Variants in CACNA2D2 observed in about 807,000 individuals in gnomAD.
The protein encoded by CACNA2D2 is voltage-dependent calcium channel subunit alpha-2/delta-2.
Under a neutral mutation model 166.4 loss-of-function variants are expected in CACNA2D2, and 48 were observed. The observed-to-expected ratio is 0.29, with a 90% CI of 0.23 to 0.37. CACNA2D2 has a LOEUF of 0.37. Ranked by LOEUF, CACNA2D2 falls within the 10% of genes least tolerant of loss-of-function variation. The pLI, the probability that CACNA2D2 is intolerant of heterozygous loss-of-function variation, is 1.00. For missense variants in CACNA2D2, 1,122 were observed against 1,433.0 expected (o/e 0.78, Z 3.50); for synonymous variants, 561 against 573.7 (o/e 0.98, Z 0.32).
In CACNA2D2 at chr3:50,364,476, C is replaced by G; in HGVS notation, c.*190G>C. On this transcript the variant is annotated 3_prime_UTR_variant, in exon 38 of 38. Coordinates refer to ENST00000424201, the MANE Select transcript of CACNA2D2 (RefSeq NM_006030.4). ...TCGGAGGTGAGATGTGATTTGGGTGCCAAACACCTGCGGCGTCCCGCTTTG... is the reference window on the plus strand; with the variant it reads ...TCGGAGGTGAGATGTGATTTGGGTGGCAAACACCTGCGGCGTCCCGCTTTG... 1 of 666,242 alleles carries G rather than the reference C, an allele frequency of 1.5e-6. No homozygotes were observed. Among genetic ancestry groups the G allele is most frequent in the Non-Finnish European group, 2.5e-6 (1 of 404,428 alleles). The allele number at this position is 666,242 out of a possible 1,614,324, so 41.3% of individuals were successfully genotyped here.
chr3:50,476,414 G>A lies in CACNA2D2; in HGVS notation c.207-215C>T, dbSNP rs143085632. Reference sequence around the variant, plus strand: ...TGCTCCTCATGCACTGTGGGGTGGCGAGGAGGAGAGAGGATTGCATTGTGG... The same window carrying A: ...TGCTCCTCATGCACTGTGGGGTGGCAAGGAGGAGAGAGGATTGCATTGTGG... On this transcript the variant is annotated intron_variant, in intron 1 of 37. Coordinates refer to ENST00000424201, the MANE Select transcript of CACNA2D2 (RefSeq NM_006030.4). Among the ~76,000 whole-genome samples the A allele has an allele frequency of 5.3e-5, 8 of 152,356 alleles. No homozygotes were observed. The East Asian group carries it at 5.8e-4, about 11-fold the overall frequency.
intron 2 of CACNA2D2, among the ~76,000 whole-genome samples, chr3:50,435,038 G>A (rs1708246021): frequency 6.6e-6 from 1 of 152,218 alleles, no homozygotes; most frequent in Admixed American, 6.5e-5. Context: ...ATGGGCACCA[G>A]GGAGGAAGGG....
At chr3:50,484,858 T>C (rs550692855) in intron 1 of CACNA2D2, among the ~76,000 whole-genome samples, 4 of 152,336 alleles carry the variant, frequency 2.6e-5, no homozygotes, top group Admixed American at 6.5e-5. Context: ...CCTGCTGACG[T>C]CCCAGCCCTC....
intron 2 of CACNA2D2, among the ~76,000 whole-genome samples, chr3:50,458,819 G>A (rs992389909): frequency 2.6e-5 from 4 of 152,218 alleles, no homozygotes; most frequent in African/African-American, 9.7e-5. Context: ...TTAATGCTGG[G>A]GAACCCCAAA....
In CACNA2D2 at chr3:50,366,426, G is replaced by A; in HGVS notation, c.2638-88C>T. ...GCAGTCCAGTGGTTCAGAGTTGGGG[G>A]GCATCACTCCCCCAGTCCTGGGAAG... On this transcript the variant is annotated intron_variant, in intron 30 of 37. Coordinates refer to ENST00000424201, the MANE Select transcript of CACNA2D2 (RefSeq NM_006030.4). The surrounding 1 kb of genome is among the most constrained non-coding windows in gnomAD (Gnocchi z 5.9). The A allele has an allele frequency of 6.7e-7, 1 of 1,486,488 alleles. No homozygotes were observed. Among genetic ancestry groups the A allele is most frequent in the Non-Finnish European group, 9.4e-7 (1 of 1,064,736 alleles). 92.1% of individuals were successfully genotyped at this position (1,486,488 alleles called of 1,614,324 possible). A position where few individuals can be genotyped will look rare whatever the true frequency, so the allele number is the denominator to read the frequency against.
chr3:50,410,488 G>GGGC (rs1226163633), intron 3 of CACNA2D2, among the ~76,000 whole-genome samples: 4 of 152,030 alleles, frequency 2.6e-5, no homozygotes, highest in African/African-American at 7.3e-5. Flanking sequence ...GATGGGGGGG[G>GGGC]GGGTGTTGTC....
chr3:50,381,069 T>A lies in CACNA2D2; in HGVS notation c.710A>T (p.Glu237Val). 1 of 1,613,718 alleles carries A rather than the reference T, an allele frequency of 6.2e-7. No individual in the cohort carries two copies. The highest frequency in any genetic ancestry group is 8.5e-7 in the Non-Finnish European group (1 of 1,179,844). ...WTEALENVFMENRRQDPTLLW... is the reference protein window; with the variant it reads ...WTEALENVFMVNRRQDPTLLW... ...CAGTGTGGGGTCTTGTCTGCGGTTTTCCATGAACACATTCTCCAGGGCCTC... is the reference window on the plus strand; with the variant it reads ...CAGTGTGGGGTCTTGTCTGCGGTTTACCATGAACACATTCTCCAGGGCCTC... The change falls in exon 7 of 38, where the codon GAA (glutamate) becomes GTA (valine). Residue 237 changes from glutamate to valine, a missense_variant. Glu to Val is a moderately radical substitution (Grantham distance 121). Coordinates refer to ENST00000424201, the MANE Select transcript of CACNA2D2 (RefSeq NM_006030.4).
intron 3 of CACNA2D2, among the ~76,000 whole-genome samples, chr3:50,399,742 G>C (rs943815038): frequency 6.6e-6 from 1 of 152,188 alleles, no homozygotes; most frequent in African/African-American, 2.4e-5. Context: ...TCGCCTGGTG[G>C]TAAAGCCCAG....
intron 2 of CACNA2D2, among the ~76,000 whole-genome samples, chr3:50,469,224 G>C (rs189933368): frequency 1.3e-5 from 2 of 152,140 alleles, no homozygotes; most frequent in East Asian, 3.9e-4. Flanking sequence ...CGGGGTATAG[G>C]GGCCCTTCCT....
At chr3:50,500,765 C>CA (rs1245066247) in intron 1 of CACNA2D2, among the ~76,000 whole-genome samples, 7 of 122,484 alleles carry the variant, frequency 5.7e-5, no homozygotes, top group South Asian at 3.2e-4. Flanking sequence ...ACCCCCCGCC[C>CA]AAAAAAAAAC....
At chr3:50,468,917 C>T (rs531581439) in intron 2 of CACNA2D2, among the ~76,000 whole-genome samples, 1 of 151,822 alleles carries the variant, frequency 6.6e-6, no homozygotes, top group African/African-American at 2.4e-5. Context: ...CAACCTCCAC[C>T]TCCCAGGTTC....
rs1206993872 is a variant in CACNA2D2, at chr3:50,379,131, C to T, written c.1221G>A (p.Val407=). The change falls in exon 12 of 38, where the codon GTG becomes GTA. Residue 407 remains valine, a synonymous_variant. Transcript: ENST00000424201. The surrounding 1 kb of genome is among the most constrained non-coding windows in gnomAD (Gnocchi z 6.5). ...MMFTDGGEDR[V]QDVFEKYNWP... ...AATTGTACTTCTCAAAGACGTCCTG[C>T]ACGCGGTCCTCACCACCATCCGTGA... 1.2e-6 allele frequency: 2 copies of T among 1,613,898 alleles called. No individual in the cohort carries two copies. Among genetic ancestry groups the T allele is most frequent in the Non-Finnish European group, 1.7e-6 (2 of 1,180,018 alleles).
intron 2 of CACNA2D2, among the ~76,000 whole-genome samples, chr3:50,447,323 G>A (rs1708894291): frequency 6.6e-6 from 1 of 152,224 alleles, no homozygotes; most frequent in African/African-American, 2.4e-5. Flanking sequence ...GTGGTCAGGT[G>A]CCCATGGGGT....
In CACNA2D2 at chr3:50,366,374, G is replaced by A. The variant is rs930354324; in HGVS notation, c.2638-36C>T. ...GGGAATGGGGAGGAAAATGGAGAGG[G>A]GCTGGGCCCCGGACCTTCCACCGCA... On this transcript the variant is annotated intron_variant, in intron 30 of 37. Coordinates refer to ENST00000424201, the MANE Select transcript of CACNA2D2 (RefSeq NM_006030.4). The surrounding 1 kb of genome is among the most constrained non-coding windows in gnomAD (Gnocchi z 5.9). The A allele has an allele frequency of 8.7e-6, 14 of 1,606,876 alleles. No individual in the cohort carries two copies. Among genetic ancestry groups the A allele is most frequent in the Non-Finnish European group, 1.2e-5 (14 of 1,173,576 alleles).
rs371367882 is a variant in CACNA2D2 at position 50,476,157 on chromosome 3, G to A, written c.249C>T (p.Gly83=). 1.2e-5 allele frequency: 20 copies of A among 1,601,864 alleles called. No individual in the cohort carries two copies. The highest frequency in any genetic ancestry group is 1.1e-4 in the African/African-American group (8 of 74,752). Residue 83 remains glycine (G), a synonymous_variant, in exon 2 of 38, where the codon GGC becomes GGT. Coordinates refer to ENST00000424201, the MANE Select transcript of CACNA2D2 (RefSeq NM_006030.4). Reference sequence around the variant, plus strand: ...GGACGCCTCCAAAAATCCGCATCACGCCGTCGACCTCCTGCTCCAGACGCC... The same window carrying A: ...GGACGCCTCCAAAAATCCGCATCACACCGTCGACCTCCTGCTCCAGACGCC... The part of the protein sequence containing the change: ...WARRLEQEVD[G]VMRIFGGVQQ...
intron 3 of CACNA2D2, among the ~76,000 whole-genome samples, chr3:50,412,895 G>A (rs1707087640): frequency 6.6e-6 from 1 of 152,144 alleles, no homozygotes. Flanking sequence ...TCTCAGCCTG[G>A]GGGGGTGCTG....
chr3:50,480,843 G>C (rs1235990898), intron 1 of CACNA2D2, among the ~76,000 whole-genome samples: 1 of 75,940 alleles, frequency 1.3e-5, no homozygotes, highest in African/African-American at 5.1e-5. Flanking sequence ...GGTTGGAATG[G>C]GGAGGAATGG....
At position 50,394,068 on chromosome 3, in the gene CACNA2D2, G is replaced by A. The variant is rs1316341352; in HGVS notation, c.465+41C>T. The A allele has an allele frequency of 1.9e-6, 3 of 1,582,324 alleles. No individual in the cohort carries two copies. In the East Asian group the frequency reaches 6.7e-5, roughly 35 times the overall value. On this transcript the variant is annotated intron_variant, in intron 4 of 37. Transcript: ENST00000424201. Reference sequence around the variant, plus strand: ...CCAGCATTCAAATCCACGCATGGATGGGCATGCCCTAAGTGCTGGGCAGGG... The same window carrying A: ...CCAGCATTCAAATCCACGCATGGATAGGCATGCCCTAAGTGCTGGGCAGGG...
chr3:50,453,514 C>T (rs1709202307), intron 2 of CACNA2D2, among the ~76,000 whole-genome samples: 3 of 152,224 alleles, frequency 2.0e-5, no homozygotes, highest in East Asian at 1.9e-4. Context: ...CCTTCACACC[C>T]GGGATCCCTG....
Sources: allele counts gnomAD v4.1 joint callset (sites outside exome capture counted in the v4.1 genomes callset), GRCh38; gene constraint gnomAD v4.1.1; non-coding constraint Gnocchi (gnomAD v3.1); transcripts MANE v1.5; gene names NCBI Gene and HGNC (gene_info 2026-07-23, HGNC 2026-07-21).